Variants in POLR3B observed in about 807,000 individuals in gnomAD.
POLR3B encodes the protein RNA polymerase III subunit B.
In POLR3B, 96 loss-of-function variants were observed where a neutral mutation model predicts 147.4. The observed-to-expected ratio is 0.65, with a 90% confidence interval of 0.55 to 0.77. POLR3B has a LOEUF of 0.77. Among genes scored for constraint, POLR3B ranks in the 30% least tolerant of loss-of-function variants. POLR3B has a pLI of 0.00. For synonymous variants in POLR3B, 461 were observed against 485.9 expected, an observed-to-expected ratio of 0.95 and a Z score of 0.67; for missense variants, 1,036 against 1,413.5, an observed-to-expected ratio of 0.73 and a Z score of 4.28.
At chr12:106,432,273 A>G (rs2037520603) in intron 14 of POLR3B, 45 bp from the exon 15 acceptor site, 2 of 1,558,758 alleles carry the variant, frequency 1.3e-6, no homozygotes, top group African/African-American at 1.4e-5. Context: ...TGTACTTTGT[A>G]TTACTAATGT....
intron 2 of POLR3B, among the ~76,000 whole-genome samples, chr12:106,365,070 G>T (rs567992265): frequency 1.1e-4 from 16 of 152,264 alleles, no homozygotes; most frequent in Non-Finnish European, 1.8e-4. Flanking sequence ...GGGAGGCAGA[G>T]GTTGCAGTGA....
At chr12:106,388,666 C>T (rs1376263194) in intron 9 of POLR3B, among the ~76,000 whole-genome samples, 1 of 152,208 alleles carries the variant, frequency 6.6e-6, no homozygotes, top group Non-Finnish European at 1.5e-5. Context: ...AGAGGGCTAT[C>T]ACAGTTCTCT....
chr12:106,453,464 G>C (rs1476596010), intron 19 of POLR3B, among the ~76,000 whole-genome samples: 1 of 152,134 alleles, frequency 6.6e-6, no homozygotes, highest in Non-Finnish European at 1.5e-5. Flanking sequence ...TTCGGAGTGT[G>C]TGTGTGTGGT....
chr12:106,425,775 T>A (rs1272024005), intron 12 of POLR3B, among the ~76,000 whole-genome samples: 2 of 152,210 alleles, frequency 1.3e-5, no homozygotes, highest in East Asian at 3.9e-4. Flanking sequence ...CTTAAAATTT[T>A]AGCTGATTCC....
intron 26 of POLR3B, among the ~76,000 whole-genome samples, 154 bp from the exon 27 acceptor site, chr12:106,503,927 G>A (rs966995694): frequency 1.3e-5 from 2 of 152,196 alleles, no homozygotes; most frequent in African/African-American, 4.8e-5. Flanking sequence ...TTACAAATGA[G>A]GCTAAGCAGC....
chr12:106,371,889 T>A (rs1486681941), intron 6 of POLR3B, among the ~76,000 whole-genome samples: 1 of 151,778 alleles, frequency 6.6e-6, no homozygotes, highest in Non-Finnish European at 1.5e-5. Flanking sequence ...TGTATACATA[T>A]GTAACTAACC....
intron 10 of POLR3B, among the ~76,000 whole-genome samples, chr12:106,399,205 G>A (rs1359914369): frequency 6.6e-6 from 1 of 151,640 alleles, no homozygotes; most frequent in Non-Finnish European, 1.5e-5. Context: ...AGTAGCCGAT[G>A]CAACTGGAAG....
chr12:106,379,130 A>G (rs980141654), intron 8 of POLR3B, among the ~76,000 whole-genome samples: 18 of 152,228 alleles, frequency 1.2e-4, no homozygotes, highest in African/African-American at 3.9e-4. Flanking sequence ...ATTATTTGTC[A>G]CCTCAGTCCT....
chr12:106,472,830 G>A (rs1480749675), intron 23 of POLR3B, among the ~76,000 whole-genome samples: 3 of 123,520 alleles, frequency 2.4e-5, no homozygotes, highest in Non-Finnish European at 4.9e-5. Context: ...TCACTCTGAC[G>A]GTAGTTTCTT....
chr12:106,500,359 A>G (rs73186480), intron 25 of POLR3B, among the ~76,000 whole-genome samples: 11,474 of 152,298 alleles, frequency 0.075, 533 homozygotes, highest in Middle Eastern at 0.13. Context: ...CAGTTATGTA[A>G]TAGACATTTA....
chr12:106,386,062 G>A (rs1338526262), intron 9 of POLR3B, among the ~76,000 whole-genome samples: 2 of 152,078 alleles, frequency 1.3e-5, no homozygotes, highest in Non-Finnish European at 2.9e-5. Context: ...TTTATCTAAC[G>A]GGGCTGGGCG....
chr12:106,484,766 C>A (rs2038314963), intron 23 of POLR3B, among the ~76,000 whole-genome samples: 1 of 151,654 alleles, frequency 6.6e-6, no homozygotes, highest in Non-Finnish European at 1.5e-5. Flanking sequence ...ACGAAGGATA[C>A]AAAGGAGCCA....
At chr12:106,495,784 CAGGAGGGTGGG>C (rs756144871) in intron 23 of POLR3B, among the ~76,000 whole-genome samples, 4 of 152,212 alleles carry the variant, frequency 2.6e-5, no homozygotes, top group Non-Finnish European at 5.9e-5. Context: ...CTCTGTGGCA[CAGGAGGGTGGG>C]CAGGCAGCCC....
At chr12:106,467,027 A>G (rs376177907) in intron 23 of POLR3B, among the ~76,000 whole-genome samples, 1 of 152,178 alleles carries the variant, frequency 6.6e-6, no homozygotes, top group African/African-American at 2.4e-5. Flanking sequence ...CATTGAATCT[A>G]TAAATTACTT....
chr12:106,389,552 A>G (rs1050190397), intron 9 of POLR3B, among the ~76,000 whole-genome samples: 1 of 152,092 alleles, frequency 6.6e-6, no homozygotes, highest in Non-Finnish European at 1.5e-5. Context: ...TTACAGGTTG[A>G]GCATCCCTTA....
chr12:106,433,770 G>T lies in POLR3B; in HGVS notation c.1679G>T (p.Arg560Leu). 1.2e-6 allele frequency: 2 copies of T among 1,613,238 alleles called. No homozygotes were observed. Among genetic ancestry groups the T allele is most frequent in the South Asian group, 1.1e-5 (1 of 91,040 alleles). The change falls in exon 16 of 28, where the codon CGA becomes CTA. Residue 560 changes from arginine (R) to leucine (L), a missense_variant. Physicochemically the swap from Arg to Leu is moderately radical, Grantham distance 102 (BLOSUM62 -2). Coordinates refer to ENST00000228347, the MANE Select transcript of POLR3B (RefSeq NM_018082.6). ...CACAAAAAGCTAGTGAATACATTTC[G>T]ACTCATGAGAAGAGCAGGATATATC... ...RDHKKLVNTFRLMRRAGYINE... is the reference protein window; with the variant it reads ...RDHKKLVNTFLLMRRAGYINE...
chr12:106,424,426 T>C (rs988691445), intron 12 of POLR3B, among the ~76,000 whole-genome samples: 2 of 152,222 alleles, frequency 1.3e-5, no homozygotes, highest in African/African-American at 4.8e-5. Flanking sequence ...CTGATAGTTT[T>C]ATTTAGCATC....
intron 13 of POLR3B, among the ~76,000 whole-genome samples, 163 bp downstream of exon 13, chr12:106,427,521 T>C (rs1195011277): frequency 1.3e-5 from 2 of 152,244 alleles, no homozygotes; most frequent in African/African-American, 4.8e-5. Flanking sequence ...GAAGTGTTTA[T>C]TACTATAACT....
chr12:106,474,300 C>T (rs1279375269), intron 23 of POLR3B, among the ~76,000 whole-genome samples: 1 of 133,488 alleles, frequency 7.5e-6, no homozygotes, highest in Non-Finnish European at 1.6e-5. Flanking sequence ...CATCAACGTT[C>T]ATCAAGGATA....
Sources: gnomAD v4.1 joint callset for allele counts (sites outside exome capture counted in the v4.1 genomes callset) on GRCh38, gnomAD v4.1.1 for gene constraint, MANE v1.5 for transcripts, NCBI Gene and HGNC (gene_info 2026-07-23, HGNC 2026-07-21) for gene names.